Variants in INF2 observed in about 807,000 individuals in gnomAD.
INF2 encodes inverted formin 2.
Under a neutral mutation model 123.5 loss-of-function variants are expected in INF2, and 43 were observed. The observed-to-expected ratio is 0.35, with a 90% CI of 0.27 to 0.45. The LOEUF (loss-of-function observed/expected upper bound fraction) is 0.45, where lower values mean the gene tolerates loss of function less well. INF2 is among the 20% of genes least tolerant of loss of function. INF2 has a pLI of 1.00. For synonymous variants in INF2, 851 were observed against 745.0 expected, an observed-to-expected ratio of 1.14 and a Z score of -2.32; for missense variants, 1,453 against 1,682.7, an observed-to-expected ratio of 0.86 and a Z score of 2.39.
exon 1 of INF2, chr14:104,681,182 A>T: frequency 3.1e-6 from 1 of 317,492 alleles, no homozygotes; most frequent in Non-Finnish European, 6.3e-6. Flanking sequence ...TGGCATATGC[A>T]GGAGGAAATG....
intron 7 of INF2, 61 bp downstream of exon 7, chr14:104,707,112 C>A: frequency 6.6e-7 from 1 of 1,526,638 alleles, no homozygotes; most frequent in Non-Finnish European, 8.8e-7. Context: ...GGTCTTAGAC[C>A]ATGGGGGGGG....
At chr14:104,692,650 C>T (rs1280813161) in intron 1 of INF2, among the ~76,000 whole-genome samples, 1 of 152,226 alleles carries the variant, frequency 6.6e-6, no homozygotes, top group Non-Finnish European at 1.5e-5. Flanking sequence ...CCAGAGCAGC[C>T]CATGCAGACA....
upstream of INF2, among the ~76,000 whole-genome samples, chr14:104,685,637 G>T (rs1211724899): frequency 2.7e-5 from 4 of 146,590 alleles, no homozygotes; most frequent in Admixed American, 6.8e-5. Flanking sequence ...GGTAGGTGGG[G>T]GGATGGGTGG....
chr14:104,718,875 G>C lies in INF2; in HGVS notation c.*82G>C, dbSNP rs533067584. ...CCATTCTGCCAAGAGAGGCTCTTCT[G>C]GGGGCCAGGCTGGGACTGGGCCCCG... On this transcript the variant is annotated 3_prime_UTR_variant, in exon 23 of 23. Coordinates refer to ENST00000392634, the MANE Select transcript of INF2 (RefSeq NM_022489.4). The C allele has an allele frequency of 2.8e-5, 44 of 1,599,946 alleles. No individual in the cohort carries two copies. In the African/African-American group the frequency reaches 5.8e-4, roughly 21 times the overall value.
At chr14:104,683,951 C>A in intron 1 of INF2, 1 of 433,880 alleles carries the variant, frequency 2.3e-6, no homozygotes, top group Non-Finnish European at 4.6e-6. Context: ...GGGTCTCAGG[C>A]ACTTCCCTGC....
intron 22 of INF2, among the ~76,000 whole-genome samples, chr14:104,717,137 C>T (rs78139891): frequency 0.015 from 2,235 of 152,376 alleles, 30 homozygotes; most frequent in Non-Finnish European, 0.022. Context: ...CCAACTGAGG[C>T]ATCTGAGAGT....
At position 104,709,628 on chromosome 14, in the gene INF2, C is replaced by G; in HGVS notation, c.2061C>G (p.Asn687Lys). 1 of 1,612,470 alleles carries G rather than the reference C, an allele frequency of 6.2e-7. No homozygotes were observed. The highest frequency in any genetic ancestry group is 8.5e-7 in the Non-Finnish European group (1 of 1,179,598). ...CGTTCTCCTCCTGGCAGATTGAAAA[C>G]CTGCGGGCATTCACAGAGGAGCGAG... is the stretch of plus-strand genomic sequence containing the variant. ...KLLPEKHEIENLRAFTEERAK... is the reference protein window; with the variant it reads ...KLLPEKHEIEKLRAFTEERAK... The change falls in exon 12 of 23, where the codon AAC becomes AAG. Residue 687 changes from asparagine (N) to lysine (K), a missense_variant. Physicochemically the swap from Asn to Lys is moderately conservative, Grantham distance 94. Transcript: ENST00000392634.
At chr14:104,704,522 A>G (rs1889684419) in intron 5 of INF2, 1 of 174,604 alleles carries the variant, frequency 5.7e-6, no homozygotes, top group Non-Finnish European at 1.2e-5. Context: ...ATGTCAGATC[A>G]GCACTGCATT....
chr14:104,709,569 G>T, intron 11 of INF2, 51 bp from the exon 12 acceptor site: 1 of 1,543,140 alleles, frequency 6.5e-7, no homozygotes, highest in Non-Finnish European at 9.0e-7. Flanking sequence ...CAGTCCGGGA[G>T]GGCGGGAAGC....
At chr14:104,709,728 C>T in intron 12 of INF2, 23 bp downstream of exon 12, 1 of 1,602,792 alleles carries the variant, frequency 6.2e-7, no homozygotes, top group Non-Finnish European at 8.5e-7. Context: ...GCCCTCAGAC[C>T]CCAGGGCCTG....
chr14:104,719,134 C>T lies in INF2; in HGVS notation c.*341C>T. On this transcript the variant is annotated 3_prime_UTR_variant, in exon 23 of 23. Coordinates refer to ENST00000392634, the MANE Select transcript of INF2 (RefSeq NM_022489.4). The stretch of plus-strand genomic sequence containing the variant: ...GGGTGCTGCGTCCTGCCAGTGTCCA[C>T]CACAGCTCTGCCTGCCCTTCAGCCC... 2 of 410,248 alleles carry T rather than the reference C, an allele frequency of 4.9e-6. No individual in the cohort carries two copies. Among genetic ancestry groups the T allele is most frequent in the Non-Finnish European group, 8.7e-6 (2 of 230,164 alleles). 25.4% of individuals were successfully genotyped at this position (410,248 alleles called of 1,614,324 possible).
At chr14:104,708,619 C>A (rs371487757) in intron 9 of INF2, 32 bp downstream of exon 9, 1 of 1,612,538 alleles carries the variant, frequency 6.2e-7, no homozygotes, top group East Asian at 2.2e-5. Flanking sequence ...AGACCGGGGC[C>A]GCCTGCCTGG....
upstream of INF2, among the ~76,000 whole-genome samples, chr14:104,688,171 TGGA>T (rs1888731596): frequency 6.6e-6 from 1 of 152,230 alleles, no homozygotes; most frequent in Non-Finnish European, 1.5e-5. Context: ...CCGCCCAGGT[TGGA>T]GGGTGTCCAG....
chr14:104,710,058 G>C lies in INF2; in HGVS notation c.2139-30G>C, dbSNP rs1039602332. The C allele has an allele frequency of 9.2e-6, 14 of 1,518,654 alleles. No homozygotes were observed. The African/African-American group carries it at 1.8e-4, about 19-fold the overall frequency. The allele number at this position is 1,518,654 out of a possible 1,614,324, so 94.1% of individuals were successfully genotyped here. On this transcript the variant is annotated intron_variant, in intron 12 of 22. Transcript: ENST00000392634. ...TGGCAGGGACAGGTGGGGGGTGCAG[G>C]CCACTGATCCCTGTCTGTGCCATCC...
chr14:104,704,182 G>A (rs1889668613), intron 5 of INF2: 8 of 1,436,846 alleles, frequency 5.6e-6, no homozygotes, highest in Non-Finnish European at 6.4e-6. Flanking sequence ...CCATAGAAAG[G>A]ACAGAATGAG....
rs752651194 is a variant in INF2 at position 104,711,015 on chromosome 14, AG to A, written c.2310+12del. 53 of 314,902 alleles carry A rather than the reference AG, an allele frequency of 1.7e-4. No individual in the cohort carries two copies. In the African/African-American group the frequency reaches 3.6e-3, roughly 21 times the overall value. 19.5% of individuals were successfully genotyped at this position (314,902 alleles called of 1,614,324 possible). A position where few individuals can be genotyped will look rare whatever the true frequency, so the allele number is the denominator to read the frequency against. The stretch of plus-strand genomic sequence containing the variant: ...GGGAACTTCCTCAACTACGTAAGTC[AG>A]GGGCAGCTCCCCATCCCACCTGGTG... On this transcript the variant is annotated intron_variant, in intron 14 of 22. Transcript: ENST00000392634.
chr14:104,716,411 C>T (rs936560744), intron 22 of INF2, among the ~76,000 whole-genome samples: 1 of 152,220 alleles, frequency 6.6e-6, no homozygotes, highest in African/African-American at 2.4e-5. Context: ...GTGTGAAGCA[C>T]CCACGTGTAC....
At chr14:104,686,557 C>T (rs975125574), upstream of INF2, among the ~76,000 whole-genome samples, 1 of 152,002 alleles carries the variant, frequency 6.6e-6, no homozygotes, top group Admixed American at 6.5e-5. Flanking sequence ...GGTGAGCAGG[C>T]ATGTTTTCAC....
chr14:104,709,113 G>T (rs900864112), intron 10 of INF2, among the ~76,000 whole-genome samples, 168 bp from the exon 11 acceptor site: 22 of 152,100 alleles, frequency 1.4e-4, no homozygotes, highest in African/African-American at 4.8e-4. Context: ...GTCAGCCTGG[G>T]TCCCCTTCAC....
Sources: gnomAD v4.1 joint callset for allele counts (sites outside exome capture counted in the v4.1 genomes callset) on GRCh38, gnomAD v4.1.1 for gene constraint, MANE v1.5 for transcripts, NCBI Gene and HGNC (gene_info 2026-07-23, HGNC 2026-07-21) for gene names.